GPC6: variants seen among roughly 807,000 people sequenced by gnomAD.
GPC6 encodes the protein glypican-6.
In GPC6, 14 loss-of-function variants were observed where a neutral mutation model predicts 55.2. The observed-to-expected ratio is 0.25, with a 90% CI of 0.17 to 0.40. The LOEUF (loss-of-function observed/expected upper bound fraction) is 0.40. Among genes scored for constraint, GPC6 ranks in the 10% least tolerant of loss-of-function variants. The pLI, the probability that GPC6 is intolerant of heterozygous loss-of-function variation, is 1.00. For synonymous variants in GPC6, 278 were observed against 259.6 expected (o/e 1.07, Z -0.68); for missense variants, 641 against 708.5 (o/e 0.90, Z 1.08).
At chr13:94,060,741 C>T (rs1884292419) in intron 4 of GPC6, among the ~76,000 whole-genome samples, 1 of 152,104 alleles carries the variant, frequency 6.6e-6, no homozygotes, top group Non-Finnish European at 1.5e-5. Flanking sequence ...AAGTATAATC[C>T]TGCATTAATA....
intron 3 of GPC6, among the ~76,000 whole-genome samples, chr13:93,927,533 C>G (rs529874988): frequency 1.3e-5 from 2 of 152,164 alleles, no homozygotes; most frequent in East Asian, 1.9e-4. Flanking sequence ...TTTGACTATT[C>G]AAGACCAAAG....
chr13:93,430,547 T>G (rs906694958), intron 1 of GPC6, among the ~76,000 whole-genome samples: 1 of 152,092 alleles, frequency 6.6e-6, no homozygotes. Flanking sequence ...GATAGAGAGA[T>G]AAGGCAGATT....
In GPC6 at chr13:93,800,630, T is replaced by G. The variant is rs576127398; in HGVS notation, c.320-29524T>G. Among the ~76,000 whole-genome samples, 3 of 152,332 alleles carry G rather than the reference T, an allele frequency of 2.0e-5. No individual in the cohort carries two copies. In the South Asian group the frequency reaches 6.2e-4, roughly 32 times the overall value. ...ATGTTATGCTTGCCAGAAAAGCATT[T>G]AATGTGAACTGGAATTGTGTGATTT... On this transcript the variant is annotated intron_variant, in intron 2 of 8. Coordinates refer to ENST00000377047, the MANE Select transcript of GPC6 (RefSeq NM_005708.5).
chr13:93,730,435 T>G (rs1311657186), intron 2 of GPC6, among the ~76,000 whole-genome samples: 1 of 151,934 alleles, frequency 6.6e-6, no homozygotes, highest in Non-Finnish European at 1.5e-5. Context: ...ACAAATGTCC[T>G]TGTTGCTGTT....
chr13:93,959,063 A>T (rs1021484511), intron 3 of GPC6, among the ~76,000 whole-genome samples: 1 of 152,172 alleles, frequency 6.6e-6, no homozygotes, highest in Non-Finnish European at 1.5e-5. Flanking sequence ...TATCAGTTCT[A>T]GTAGCCTTTC....
chr13:94,308,535 C>A (rs1876075261), intron 6 of GPC6, among the ~76,000 whole-genome samples: 1 of 152,176 alleles, frequency 6.6e-6, no homozygotes, highest in African/African-American at 2.4e-5. Context: ...CAAGTAAAAG[C>A]CAAGGACCAG....
chr13:93,396,366 C>T (rs1875855488), intron 1 of GPC6, among the ~76,000 whole-genome samples: 1 of 152,094 alleles, frequency 6.6e-6, no homozygotes, highest in Non-Finnish European at 1.5e-5. Flanking sequence ...AGTTCGAGAC[C>T]AGCCTGGCCA....
At position 93,973,673 on chromosome 13, in the gene GPC6, T is replaced by C. The variant is rs551903446; in HGVS notation, c.712-54056T>C. On this transcript the variant is annotated intron_variant, in intron 3 of 8. Coordinates refer to ENST00000377047, the MANE Select transcript of GPC6 (RefSeq NM_005708.5). ...ATGAAAATGGTAATATCTCTAAAGA[T>C]TTGAGTGCCTTTCTCACCAATATTT... Among the ~76,000 whole-genome samples the C allele has an allele frequency of 2.4e-4, 37 of 152,306 alleles. No homozygotes were observed. The East Asian group carries it at 6.8e-3, about 28-fold the overall frequency.
At chr13:93,346,416 G>A (rs1880432367) in intron 1 of GPC6, among the ~76,000 whole-genome samples, 2 of 152,148 alleles carry the variant, frequency 1.3e-5, no homozygotes, top group South Asian at 4.1e-4. Flanking sequence ...GTGCTCCCAG[G>A]AAAACTGAAG....
intron 4 of GPC6, among the ~76,000 whole-genome samples, chr13:94,189,940 G>A (rs923069310): frequency 6.7e-6 from 1 of 150,088 alleles, no homozygotes; most frequent in African/African-American, 2.5e-5. Context: ...AGAATCGCTT[G>A]AAACTGGGAG....
At chr13:94,033,115 G>A (rs931419935) in intron 4 of GPC6, among the ~76,000 whole-genome samples, 3 of 152,158 alleles carry the variant, frequency 2.0e-5, no homozygotes, top group African/African-American at 7.2e-5. Flanking sequence ...AAATGGAAGG[G>A]AATATTCTAA....
chr13:93,832,908 T>A (rs1041435512), intron 3 of GPC6, among the ~76,000 whole-genome samples: 2 of 152,190 alleles, frequency 1.3e-5, no homozygotes, highest in Non-Finnish European at 2.9e-5. Context: ...GGGCATGGAA[T>A]ATAGTCCGTA....
intron 1 of GPC6, among the ~76,000 whole-genome samples, chr13:93,238,433 C>T (rs1482261080): frequency 1.3e-5 from 2 of 152,178 alleles, no homozygotes; most frequent in African/African-American, 4.8e-5. Context: ...GCCTTGTAAC[C>T]TGAGATATTA....
intron 1 of GPC6, among the ~76,000 whole-genome samples, chr13:93,253,236 A>G (rs902847367): frequency 2.0e-5 from 3 of 152,188 alleles, no homozygotes; most frequent in Non-Finnish European, 2.9e-5. Context: ...AATTTAGTTT[A>G]AAAAGTCAGG....
At chr13:94,357,028 C>A (rs768571924) in intron 6 of GPC6, among the ~76,000 whole-genome samples, 1 of 152,216 alleles carries the variant, frequency 6.6e-6, no homozygotes, top group East Asian at 1.9e-4. Flanking sequence ...TGTCATCAAT[C>A]TGGACCATTG....
intron 1 of GPC6, among the ~76,000 whole-genome samples, chr13:93,503,890 T>G (rs1880612584): frequency 6.6e-6 from 1 of 152,136 alleles, no homozygotes; most frequent in Non-Finnish European, 1.5e-5. Flanking sequence ...ATTTAGACAA[T>G]ATGAGATATA....
chr13:94,199,333 T>C (rs1234904777), intron 4 of GPC6, among the ~76,000 whole-genome samples: 2 of 152,228 alleles, frequency 1.3e-5, no homozygotes, highest in East Asian at 3.8e-4. Context: ...TGGATTAGGG[T>C]TAAAATGCCT....
Position 94,230,105 on chromosome 13 carries a change from C to T in GPC6, c.878-56244C>T, listed in dbSNP as rs150420642. On this transcript the variant is annotated intron_variant, in intron 4 of 8. Transcript: ENST00000377047. Reference sequence around the variant, plus strand: ...AGATTATTTAGTTTGTCTGAACCTCCGTTTTTTTAATGGTAAAACCATACT... The same window carrying T: ...AGATTATTTAGTTTGTCTGAACCTCTGTTTTTTTAATGGTAAAACCATACT... Among the ~76,000 whole-genome samples the T allele has an allele frequency of 2.2e-3, 333 of 152,102 alleles. 2 individuals are homozygous for T. Among genetic ancestry groups the T allele is most frequent in the African/African-American group, 7.2e-3 (299 of 41,490 alleles).
intron 1 of GPC6, among the ~76,000 whole-genome samples, chr13:93,393,868 ATT>A (rs34053387): frequency 1.3e-5 from 2 of 150,976 alleles, no homozygotes; most frequent in Non-Finnish European, 1.5e-5. Context: ...GTCAACATTA[ATT>A]TTTTTTTTCT....
Sources: allele counts gnomAD v4.1 joint callset (sites outside exome capture counted in the v4.1 genomes callset), GRCh38; gene constraint gnomAD v4.1.1; transcripts MANE v1.5; gene names NCBI Gene and HGNC (gene_info 2026-07-23, HGNC 2026-07-21).